DLG2: variants seen among roughly 807,000 people sequenced by gnomAD.
DLG2 encodes the protein disks large homolog 2.
In DLG2, 45 loss-of-function variants were observed where a neutral mutation model predicts 132.5. The ratio of observed to expected loss-of-function variants is 0.34; its 90% CI spans 0.27 to 0.44. The LOEUF (loss-of-function observed/expected upper bound fraction) is 0.44. Among genes scored for constraint, DLG2 ranks in the 20% least tolerant of loss-of-function variants. The pLI is 1.00. For synonymous variants in DLG2, 424 were observed against 419.6 expected (o/e 1.01, Z -0.13); for missense variants, 1,045 against 1,196.9 (o/e 0.87, Z 1.87).
intron 3 of DLG2, among the ~76,000 whole-genome samples, chr11:85,339,504 C>T (rs1300035307): frequency 6.6e-6 from 1 of 152,074 alleles, no homozygotes; most frequent in Non-Finnish European, 1.5e-5. Context: ...TCTGTTTCTG[C>T]ACAGCCTTGC....
chr11:84,044,369 A>C (rs1284406860), intron 11 of DLG2, among the ~76,000 whole-genome samples: 2 of 151,732 alleles, frequency 1.3e-5, no homozygotes, highest in Non-Finnish European at 2.9e-5. Flanking sequence ...GGGCAGCTCA[A>C]TTGGACATTC....
At chr11:84,378,476 C>G (rs1354514614) in intron 7 of DLG2, among the ~76,000 whole-genome samples, 1 of 152,022 alleles carries the variant, frequency 6.6e-6, no homozygotes, top group Non-Finnish European at 1.5e-5. Context: ...GCAGCCTGAG[C>G]AGACTAATAT....
At chr11:85,287,954 G>A (rs2078664839) in intron 3 of DLG2, among the ~76,000 whole-genome samples, 1 of 152,020 alleles carries the variant, frequency 6.6e-6, no homozygotes, top group Admixed American at 6.6e-5. Flanking sequence ...ACATATACAT[G>A]TAACAAAACA....
At chr11:84,978,649 T>A (rs961139606) in intron 6 of DLG2, among the ~76,000 whole-genome samples, 2 of 152,302 alleles carry the variant, frequency 1.3e-5, no homozygotes, top group Non-Finnish European at 2.9e-5. Context: ...CCTTACACGT[T>A]ATACAAAAAT....
At chr11:84,324,368 G>A (rs2098420462) in intron 7 of DLG2, among the ~76,000 whole-genome samples, 1 of 152,024 alleles carries the variant, frequency 6.6e-6, no homozygotes, top group African/African-American at 2.4e-5. Context: ...TTTTATCTGT[G>A]TGGGTTTATT....
In DLG2 at chr11:84,819,231, TGACTCTGAA is replaced by T. The variant is rs1334133800; in HGVS notation, c.358-284509_358-284501del. 2.0e-5 allele frequency among the ~76,000 whole-genome samples: 3 copies of T among 152,066 alleles called. No homozygotes were observed. The East Asian group carries it at 5.9e-4, about 30-fold the overall frequency. On this transcript the variant is annotated intron_variant, in intron 6 of 27. Transcript: ENST00000376104. ...TGTGGTATTTAAACCTATATCTACC[TGACTCTGAA>T]GTCTATGATGTTTCTGTTATATAAA...
chr11:85,302,568 G>T (rs2079654624), intron 3 of DLG2, among the ~76,000 whole-genome samples: 1 of 150,008 alleles, frequency 6.7e-6, no homozygotes. Context: ...CAGTAGGTAT[G>T]AAATGGCCTG....
rs201805862 is a variant in DLG2, at chr11:84,526,777, T to TC, written c.519+7792_519+7793insG. 1.7e-3 allele frequency among the ~76,000 whole-genome samples: 236 copies of TC among 140,484 alleles called. 4 individuals are homozygous for TC. The South Asian group carries it at 0.02, about 12-fold the overall frequency. 92.2% of individuals were successfully genotyped at this position (140,484 alleles called of 152,430 possible). On this transcript the variant is annotated intron_variant, in intron 7 of 27. Transcript: ENST00000376104. ...AGTTTCATGCATCCACTGGGGGTGT[T>TC]TTTTTTTTTTTTTTTTTTTGAGACG... is the stretch of plus-strand genomic sequence containing the variant.
chr11:83,884,322 C>A (rs10898168), intron 15 of DLG2, among the ~76,000 whole-genome samples: 37,805 of 152,094 alleles, frequency 0.25, 4,947 homozygotes, highest in East Asian at 0.48. Flanking sequence ...GTCCTACGCC[C>A]ACAGAGTCTC....
chr11:85,620,551 AGGAAATTAAAAG>A lies in DLG2; in HGVS notation c.-93+6024_-93+6035del, dbSNP rs1218026193. On this transcript the variant is annotated intron_variant, in intron 2 of 27. Coordinates refer to ENST00000376104, the MANE Select transcript of DLG2 (RefSeq NM_001142699.3). ...GTGAATGCAAAGGAAAAACTCTTGA[AGGAAATTAAAAG>A]GGCCACTTCAGTGAACACACGAATA... 5.3e-5 allele frequency among the ~76,000 whole-genome samples: 8 copies of A among 152,376 alleles called. No individual in the cohort carries two copies. The South Asian group carries it at 1.7e-3, about 32-fold the overall frequency.
chr11:85,539,500 G>A (rs1240246909), intron 3 of DLG2, among the ~76,000 whole-genome samples: 1 of 152,154 alleles, frequency 6.6e-6, no homozygotes, highest in African/African-American at 2.4e-5. Flanking sequence ...ACTAAGGAGA[G>A]GAAGAATTAG....
chr11:83,933,319 C>A (rs2080762624), intron 14 of DLG2, among the ~76,000 whole-genome samples: 1 of 152,166 alleles, frequency 6.6e-6, no homozygotes, highest in South Asian at 2.1e-4. Flanking sequence ...AAATCCAACC[C>A]AAGAGGCCTA....
chr11:84,954,547 T>C (rs975266748), intron 6 of DLG2, among the ~76,000 whole-genome samples: 2 of 152,206 alleles, frequency 1.3e-5, no homozygotes, highest in Non-Finnish European at 2.9e-5. Flanking sequence ...GGTAAATGGA[T>C]AGGCTTTATT....
chr11:84,883,005 C>A (rs781403898), intron 6 of DLG2, among the ~76,000 whole-genome samples: 7 of 152,074 alleles, frequency 4.6e-5, no homozygotes, highest in Non-Finnish European at 1.0e-4. Flanking sequence ...AAGACACATG[C>A]ACACGTATGT....
At chr11:85,208,075 G>T (rs945799553) in intron 4 of DLG2, among the ~76,000 whole-genome samples, 1 of 151,930 alleles carries the variant, frequency 6.6e-6, no homozygotes, top group Non-Finnish European at 1.5e-5. Context: ...CATTATATTA[G>T]ATATTTTATA....
chr11:85,474,159 G>T (rs1251215951), intron 3 of DLG2, among the ~76,000 whole-genome samples: 1 of 151,916 alleles, frequency 6.6e-6, no homozygotes, highest in Non-Finnish European at 1.5e-5. Flanking sequence ...TAGTTAAATT[G>T]TTAACAACCA....
rs557832707 is a variant in DLG2, at chr11:84,852,073, G to T, written c.357+259588C>A. ...TTATTTATTTAGAATACAAATTCCA[G>T]ATCTATATTTACCTTTTGGATCAAT... On this transcript the variant is annotated intron_variant, in intron 6 of 27. Transcript: ENST00000376104. Among the ~76,000 whole-genome samples, 11 of 152,026 alleles carry T rather than the reference G, an allele frequency of 7.2e-5. No homozygotes were observed. The South Asian group carries it at 2.1e-3, about 29-fold the overall frequency.
chr11:83,684,663 C>T (rs909277286), intron 18 of DLG2: 1 of 152,090 alleles, frequency 6.6e-6, no homozygotes, highest in Non-Finnish European at 1.5e-5. Flanking sequence ...TCAATGGTTA[C>T]TTCCTATATG....
intron 5 of DLG2, among the ~76,000 whole-genome samples, chr11:85,151,416 C>A (rs540820675): frequency 1.2e-3 from 183 of 148,922 alleles, no homozygotes; most frequent in Middle Eastern, 0.01. Context: ...TCCTGTGCTT[C>A]TGGTGTCATA....
Sources: gnomAD v4.1 joint callset for allele counts (sites outside exome capture counted in the v4.1 genomes callset) on GRCh38, gnomAD v4.1.1 for gene constraint, MANE v1.5 for transcripts, NCBI Gene and HGNC (gene_info 2026-07-23, HGNC 2026-07-21) for gene names.